Variants in RNGTT observed in about 807,000 individuals in gnomAD.
The protein encoded by RNGTT is RNA guanylyltransferase and 5'-phosphatase, also known as mRNA-capping enzyme.
RNGTT carries 33 observed loss-of-function variants against 79.3 expected under a neutral mutation model. That is an observed-to-expected ratio of 0.42 (90% CI 0.32 to 0.56). The LOEUF (loss-of-function observed/expected upper bound fraction) is 0.56, where lower values mean the gene tolerates loss of function less well. RNGTT is among the 20% of genes least tolerant of loss of function. The pLI, the probability that RNGTT is intolerant of heterozygous loss-of-function variation, is 0.17. For synonymous variants in RNGTT, 222 were observed against 235.9 expected, an observed-to-expected ratio of 0.94 and a Z score of 0.54; for missense variants, 497 against 739.1, an observed-to-expected ratio of 0.67 and a Z score of 3.80.
intron 8 of RNGTT, among the ~76,000 whole-genome samples, chr6:88,856,940 G>A (rs1180458909): frequency 6.6e-6 from 1 of 151,952 alleles, no homozygotes; most frequent in East Asian, 1.9e-4. Flanking sequence ...TTAATATTCA[G>A]AATTATCAAT....
intron 13 of RNGTT, among the ~76,000 whole-genome samples, chr6:88,703,364 C>T (rs1293690129): frequency 6.6e-6 from 1 of 152,192 alleles, no homozygotes. Context: ...GAATACTACA[C>T]AGCCATAAAA....
intron 9 of RNGTT, 52 bp from the exon 10 acceptor site, chr6:88,849,878 TTA>T (rs778338102): frequency 1.1e-5 from 16 of 1,471,896 alleles, no homozygotes; most frequent in Non-Finnish European, 1.3e-5. Context: ...ACAATTTTTT[TTA>T]ATTTAATTGA....
At chr6:88,935,674 A>C (rs1001318281) in intron 2 of RNGTT, among the ~76,000 whole-genome samples, 38 of 152,326 alleles carry the variant, frequency 2.5e-4, no homozygotes, top group Non-Finnish European at 4.0e-4. Context: ...TGGTCATTTT[A>C]ACAATATTAA....
chr6:88,718,432 T>C (rs1326825278), intron 13 of RNGTT, among the ~76,000 whole-genome samples: 3 of 150,924 alleles, frequency 2.0e-5, no homozygotes, highest in African/African-American at 7.3e-5. Context: ...TTTATAGAGC[T>C]CCTATTGTTA....
intron 13 of RNGTT, among the ~76,000 whole-genome samples, chr6:88,767,337 T>C (rs985217825): frequency 1.3e-5 from 2 of 152,036 alleles, no homozygotes; most frequent in Non-Finnish European, 2.9e-5. Flanking sequence ...GTACTATGAA[T>C]AAAGGCAAAA....
At position 88,963,551 on chromosome 6, in the gene RNGTT, T is replaced by G; in HGVS notation, c.-142A>C. 1.4e-6 allele frequency: 1 copy of G among 735,116 alleles called. No individual in the cohort carries two copies. 45.5% of individuals were successfully genotyped at this position (735,116 alleles called of 1,614,324 possible). A position where few individuals can be genotyped will look rare whatever the true frequency, so the allele number is the denominator to read the frequency against. On this transcript the variant is annotated 5_prime_UTR_variant, in exon 1 of 16. Transcript: ENST00000369485. Reference sequence around the variant, plus strand: ...TGAATTCCAACCTCTCCGATCCGGGTAACGTCAGGGGCGGCGCGCCACTTT... The same window carrying G: ...TGAATTCCAACCTCTCCGATCCGGGGAACGTCAGGGGCGGCGCGCCACTTT...
At chr6:88,667,052 G>C (rs1433078429) in intron 14 of RNGTT, among the ~76,000 whole-genome samples, 1 of 152,330 alleles carries the variant, frequency 6.6e-6, no homozygotes, top group South Asian at 2.1e-4. Context: ...GCATTGTAAA[G>C]GACATCAGTG....
rs189035663 is a variant in RNGTT at position 88,638,958 on chromosome 6, T to C, written c.1507-24563A>G. ...ATTTTGTATCAGCCAAACTGAATTA[T>C]ACGACTTTTGGTAATGTTAAACAAA... On this transcript the variant is annotated intron_variant, in intron 14 of 15. Coordinates refer to ENST00000369485, the MANE Select transcript of RNGTT (RefSeq NM_003800.5). Among the ~76,000 whole-genome samples, 313 of 152,304 alleles carry C rather than the reference T, an allele frequency of 2.1e-3. 2 individuals are homozygous for C. Among genetic ancestry groups the C allele is most frequent in the African/African-American group, 7.4e-3 (306 of 41,584 alleles).
chr6:88,693,459 T>C (rs888739395), intron 13 of RNGTT, among the ~76,000 whole-genome samples: 9 of 152,064 alleles, frequency 5.9e-5, no homozygotes, highest in African/African-American at 2.2e-4. Flanking sequence ...AGTAAGGAGA[T>C]TGAATCTGTA....
intron 11 of RNGTT, among the ~76,000 whole-genome samples, chr6:88,840,964 T>C (rs1229314884): frequency 2.0e-5 from 3 of 152,228 alleles, no homozygotes; most frequent in Non-Finnish European, 2.9e-5. Flanking sequence ...GCACAACCTG[T>C]GAAATTCATT....
intron 8 of RNGTT, among the ~76,000 whole-genome samples, chr6:88,885,067 T>A (rs1206124752): frequency 6.6e-6 from 1 of 151,926 alleles, no homozygotes; most frequent in African/African-American, 2.4e-5. Flanking sequence ...TGCATACACA[T>A]ACATACAGAC....
At chr6:88,905,334 TC>T (rs1783617736) in intron 5 of RNGTT, among the ~76,000 whole-genome samples, 1 of 152,118 alleles carries the variant, frequency 6.6e-6, no homozygotes, top group African/African-American at 2.4e-5. Context: ...TTTCAACAGA[TC>T]CAGGCACTAA....
chr6:88,659,047 A>G (rs1236213134), intron 14 of RNGTT, among the ~76,000 whole-genome samples: 1 of 152,146 alleles, frequency 6.6e-6, no homozygotes, highest in Non-Finnish European at 1.5e-5. Flanking sequence ...CCCTTCATAT[A>G]TACATCTATC....
chr6:88,705,595 T>C (rs953614830), intron 13 of RNGTT, among the ~76,000 whole-genome samples: 3 of 152,096 alleles, frequency 2.0e-5, no homozygotes, highest in African/African-American at 7.2e-5. Flanking sequence ...CTAAAATTCT[T>C]CCTTAATTTA....
At chr6:88,953,681 T>C (rs1785332798) in intron 1 of RNGTT, among the ~76,000 whole-genome samples, 2 of 152,176 alleles carry the variant, frequency 1.3e-5, no homozygotes, top group Admixed American at 6.5e-5. Flanking sequence ...TCAGGTTATC[T>C]AAAGTCAAGA....
intron 8 of RNGTT, among the ~76,000 whole-genome samples, chr6:88,870,520 A>C (rs934215484): frequency 6.6e-6 from 1 of 151,966 alleles, no homozygotes; most frequent in African/African-American, 2.4e-5. Context: ...GCAAAAAAAA[A>C]AAAAAAAATC....
chr6:88,702,822 G>A lies in RNGTT; in HGVS notation c.1440-24403C>T, dbSNP rs191599068. 8.5e-5 allele frequency among the ~76,000 whole-genome samples: 13 copies of A among 152,066 alleles called. No individual in the cohort carries two copies. In the East Asian group the frequency reaches 2.3e-3, roughly 27 times the overall value. On this transcript the variant is annotated intron_variant, in intron 13 of 15. Coordinates refer to ENST00000369485, the MANE Select transcript of RNGTT (RefSeq NM_003800.5). ...TGCATCCAACAAAGGTCTAATATCC[G>A]GAATCTATCAGTAACTGAAACAACT...
intron 8 of RNGTT, among the ~76,000 whole-genome samples, chr6:88,888,229 C>T (rs1255601327): frequency 2.0e-5 from 3 of 152,122 alleles, no homozygotes; most frequent in Non-Finnish European, 2.9e-5. Context: ...CAGTTCATTT[C>T]GTAGTGTAAA....
At chr6:88,943,680 A>T (rs1356408697) in intron 1 of RNGTT, among the ~76,000 whole-genome samples, 2 of 152,220 alleles carry the variant, frequency 1.3e-5, no homozygotes, top group African/African-American at 4.8e-5. Context: ...ATAAATAAGA[A>T]GATTCATCCC....
Sources: allele counts gnomAD v4.1 joint callset (sites outside exome capture counted in the v4.1 genomes callset), GRCh38; gene constraint gnomAD v4.1.1; transcripts MANE v1.5; gene names NCBI Gene and HGNC (gene_info 2026-07-23, HGNC 2026-07-21).